The following PKHD1 variants were observed in gnomAD, a reference collection of about 807,000 sequenced individuals.
PKHD1 encodes fibrocystin.
In PKHD1, 291 loss-of-function variants were observed where a neutral mutation model predicts 412.0. The ratio of observed to expected loss-of-function variants is 0.71; its 90% confidence interval spans 0.64 to 0.78. The LOEUF is 0.78. Among genes scored for constraint, PKHD1 ranks in the 30% least tolerant of loss-of-function variants. The probability of loss-of-function intolerance (pLI) is 0.00; values close to 1 mark genes in which losing one functional copy is unlikely to be tolerated. For synonymous variants in PKHD1, 1,777 were observed against 1,821.5 expected, an observed-to-expected ratio of 0.98 and a Z score of 0.62; for missense variants, 4,825 against 4,950.7, an observed-to-expected ratio of 0.97 and a Z score of 0.76.
intron 59 of PKHD1, among the ~76,000 whole-genome samples, chr6:51,744,829 C>T (rs1035493141): frequency 6.6e-6 from 1 of 152,056 alleles, no homozygotes; most frequent in African/African-American, 2.4e-5. Context: ...GTGTTCCTCT[C>T]ATAACAACTG....
At chr6:51,626,499 C>T (rs1767260324) in intron 66 of PKHD1, among the ~76,000 whole-genome samples, 1 of 152,150 alleles carries the variant, frequency 6.6e-6, no homozygotes, top group East Asian at 1.9e-4. Flanking sequence ...TATCATCTGA[C>T]ATAACACACC....
chr6:52,018,758 A>C (rs1052217245), intron 33 of PKHD1, among the ~76,000 whole-genome samples: 4 of 151,996 alleles, frequency 2.6e-5, no homozygotes, highest in African/African-American at 9.7e-5. Context: ...CTGGCAATCC[A>C]CCTGCCTCAG....
At chr6:51,844,259 C>G (rs921396001) in intron 50 of PKHD1, among the ~76,000 whole-genome samples, 2 of 152,100 alleles carry the variant, frequency 1.3e-5, no homozygotes, top group African/African-American at 4.8e-5. Context: ...TAATGCAATG[C>G]CCCAGGTAAA....
At position 52,079,983 on chromosome 6, in the gene PKHD1, C is replaced by T. The variant is rs773794336; in HGVS notation, c.307G>A (p.Gly103Ser). The T allele has an allele frequency of 1.2e-6, 2 of 1,607,284 alleles. No individual in the cohort carries two copies. Among genetic ancestry groups the T allele is most frequent in the Non-Finnish European group, 1.7e-6 (2 of 1,173,862 alleles). Reference protein sequence around the residue: ...TRSVLSEAHEGLYFLEAYFGG... With the variant: ...TRSVLSEAHESLYFLEAYFGG... ...AAGTATGCTTCCAGGAAGTACAGAC[C>T]CTCATGTGCTTCAGACAGCACAGAT... Residue 103 changes from glycine (G) to serine (S), a missense_variant, in exon 5 of 67, where the codon GGT becomes AGT. Gly to Ser is a moderately conservative substitution (Grantham distance 56). Transcript: ENST00000371117.
At chr6:52,044,909 G>A in intron 25 of PKHD1, 57 bp downstream of exon 25, 13 of 1,595,456 alleles carry the variant, frequency 8.1e-6, no homozygotes, top group South Asian at 1.1e-5. Context: ...AAATCAGTGA[G>A]GAGTGAGTTA....
chr6:51,900,917 A>G (rs1781155082), intron 43 of PKHD1, among the ~76,000 whole-genome samples: 6 of 152,268 alleles, frequency 3.9e-5, no homozygotes, highest in Admixed American at 3.9e-4. Flanking sequence ...ACATAAAAAA[A>G]TGCTCATCAT....
At chr6:52,065,828 G>C in intron 12 of PKHD1, 148 bp downstream of exon 12, 1 of 660,904 alleles carries the variant, frequency 1.5e-6, no homozygotes, top group Non-Finnish European at 2.7e-6. Context: ...AATCCCACCT[G>C]GTCTCAACCA....
chr6:52,053,879 G>A (rs368737297), intron 20 of PKHD1, among the ~76,000 whole-genome samples, 159 bp downstream of exon 20: 2 of 152,208 alleles, frequency 1.3e-5, no homozygotes, highest in African/African-American at 4.8e-5. Context: ...CTGCTCTGGA[G>A]TCAAACTTTT....
At chr6:51,984,952 G>A (rs1373993284) in intron 35 of PKHD1, among the ~76,000 whole-genome samples, 1 of 151,810 alleles carries the variant, frequency 6.6e-6, no homozygotes, top group African/African-American at 2.4e-5. Flanking sequence ...AAAAAATAAG[G>A]AGAAAGCAAG....
At chr6:51,698,486 G>T (rs78495753) in intron 60 of PKHD1, among the ~76,000 whole-genome samples, 4,691 of 151,988 alleles carry the variant, frequency 0.031, 204 homozygotes, top group African/African-American at 0.098. Flanking sequence ...AGAGTTAAAC[G>T]TCCCTCAAAA....
At chr6:51,753,380 A>T in intron 56 of PKHD1, 27 bp from the exon 57 acceptor site, 1 of 1,601,330 alleles carries the variant, frequency 6.2e-7, no homozygotes. Flanking sequence ...TGTGGGAAAA[A>T]AAAACTTTAA....
At chr6:52,026,727 C>T (rs1319187077) in intron 31 of PKHD1, among the ~76,000 whole-genome samples, 5 of 152,042 alleles carry the variant, frequency 3.3e-5, no homozygotes, top group South Asian at 2.1e-4. Context: ...ATTCCATATA[C>T]GTGAGAGACA....
At chr6:51,672,479 C>T (rs927430414) in intron 60 of PKHD1, among the ~76,000 whole-genome samples, 11 of 152,102 alleles carry the variant, frequency 7.2e-5, no homozygotes, top group African/African-American at 2.7e-4. Flanking sequence ...GTTTTGGAGC[C>T]TTGCAAGGGG....
At chr6:51,722,178 G>A (rs1782009166) in intron 60 of PKHD1, among the ~76,000 whole-genome samples, 1 of 152,162 alleles carries the variant, frequency 6.6e-6, no homozygotes, top group African/African-American at 2.4e-5. Context: ...CGCCCTCAGT[G>A]TGGAGGGTCC....
Position 52,026,191 on chromosome 6 carries a change from G to A in PKHD1, c.3629-10C>T. On this transcript the variant is annotated splice_polypyrimidine_tract_variant and intron_variant, in intron 31 of 66. Transcript: ENST00000371117. ...CTGAGGATGGTCCCTCCTAAAGTAT[G>A]AATACGGAAAGCAAAATATTATAGC... is the stretch of plus-strand genomic sequence containing the variant. 1 of 1,612,908 alleles carries A rather than the reference G, an allele frequency of 6.2e-7. No homozygotes were observed. Among genetic ancestry groups the A allele is most frequent in the Non-Finnish European group, 8.5e-7 (1 of 1,179,158 alleles).
chr6:52,084,836 C>A, intron 2 of PKHD1, 46 bp downstream of exon 2: 1 of 1,135,198 alleles, frequency 8.8e-7, no homozygotes, highest in South Asian at 1.2e-5. Flanking sequence ...TCAAGGTAAC[C>A]TATTGTGTTC....
chr6:51,683,104 C>A (rs1241956163), intron 60 of PKHD1, among the ~76,000 whole-genome samples: 1 of 151,950 alleles, frequency 6.6e-6, no homozygotes, highest in Non-Finnish European at 1.5e-5. Flanking sequence ...TTGAACAAAT[C>A]AACTATGAAG....
chr6:51,814,959 C>T (rs1048197978), intron 52 of PKHD1, among the ~76,000 whole-genome samples: 1 of 151,862 alleles, frequency 6.6e-6, no homozygotes, highest in Non-Finnish European at 1.5e-5. Context: ...TAGAATGATT[C>T]CCAGATTGAG....
intron 46 of PKHD1, 27 bp downstream of exon 46, chr6:51,883,066 C>A: frequency 6.2e-7 from 1 of 1,602,942 alleles, no homozygotes. Context: ...GATTGACAGC[C>A]TAAAACAACC....
Sources: allele counts gnomAD v4.1 joint callset (sites outside exome capture counted in the v4.1 genomes callset), GRCh38; gene constraint gnomAD v4.1.1; transcripts MANE v1.5; gene names NCBI Gene and HGNC (gene_info 2026-07-23, HGNC 2026-07-21).